The following TMEM207 variants were observed in gnomAD, a reference collection of about 807,000 sequenced individuals.
TMEM207 encodes the protein SRSR846.
A neutral mutation model predicts 17.4 loss-of-function variants in TMEM207; 15 were observed. That is an observed-to-expected ratio of 0.86 (90% CI 0.58 to 1.33). The LOEUF (loss-of-function observed/expected upper bound fraction) is 1.33. TMEM207 is among the 40% of genes most tolerant of loss of function. TMEM207 has a pLI of 0.00. For synonymous variants in TMEM207, 70 were observed against 65.6 expected (o/e 1.07, Z -0.33); for missense variants, 205 against 173.8 (o/e 1.18, Z -1.01).
intron 2 of TMEM207, among the ~76,000 whole-genome samples, chr3:190,444,087 TTGATAAA>T (rs1332226582): frequency 4.6e-5 from 7 of 152,202 alleles, no homozygotes; most frequent in Non-Finnish European, 1.0e-4. Context: ...ATTTATGAAT[TTGATAAA>T]TTCAGGAAGA....
intron 4 of TMEM207, among the ~76,000 whole-genome samples, chr3:190,431,425 C>T (rs911974828): frequency 1.3e-5 from 2 of 151,910 alleles, no homozygotes; most frequent in African/African-American, 4.8e-5. Flanking sequence ...TTCAATCCAT[C>T]CTCTTTTCAT....
chr3:190,437,813 G>C (rs939736118), intron 4 of TMEM207, among the ~76,000 whole-genome samples: 1 of 151,442 alleles, frequency 6.6e-6, no homozygotes, highest in African/African-American at 2.4e-5. Flanking sequence ...GTTTATTGCG[G>C]CACTATTCAC....
chr3:190,447,164 A>G (rs1327740829), intron 2 of TMEM207, among the ~76,000 whole-genome samples: 1 of 152,096 alleles, frequency 6.6e-6, no homozygotes, highest in Non-Finnish European at 1.5e-5. Context: ...GGCTGCAAGC[A>G]GGAGAAGATA....
chr3:190,446,730 T>C (rs1720059070), intron 2 of TMEM207, among the ~76,000 whole-genome samples: 2 of 152,212 alleles, frequency 1.3e-5, no homozygotes, highest in South Asian at 2.1e-4. Context: ...TAATACCGTA[T>C]GTTTCTGTCA....
At chr3:190,430,393 T>C (rs1029655231) in intron 4 of TMEM207, among the ~76,000 whole-genome samples, 3 of 152,106 alleles carry the variant, frequency 2.0e-5, no homozygotes, top group Admixed American at 2.0e-4. Context: ...CTTACTCTAA[T>C]GGCTCTTTTG....
chr3:190,444,473 G>A, intron 2 of TMEM207: 2 of 983,226 alleles, frequency 2.0e-6, no homozygotes, highest in Non-Finnish European at 2.4e-6. Flanking sequence ...AGTATCCCGT[G>A]TTCCAAATGC....
chr3:190,440,173 G>C, intron 4 of TMEM207, 71 bp downstream of exon 4: 1 of 1,525,680 alleles, frequency 6.6e-7, no homozygotes, highest in Non-Finnish European at 8.8e-7. Flanking sequence ...GCTTTTGGGA[G>C]AACAGTTTTT....
At chr3:190,430,662 C>G (rs773846140) in intron 4 of TMEM207, among the ~76,000 whole-genome samples, 1 of 151,868 alleles carries the variant, frequency 6.6e-6, no homozygotes, top group Non-Finnish European at 1.5e-5. Flanking sequence ...AAACTAGTCC[C>G]GTGAACTAAA....
chr3:190,431,742 C>G lies in TMEM207; in HGVS notation c.305-2011G>C, dbSNP rs116733776. Among the ~76,000 whole-genome samples the G allele has an allele frequency of 1.6e-3, 237 of 152,248 alleles. 1 individual carries two copies. The highest frequency in any genetic ancestry group is 5.6e-3 in the African/African-American group (232 of 41,564). The stretch of plus-strand genomic sequence containing the variant: ...GGTCAACCAAACTGACTTGACACAT[C>G]TATTATTTGTACTAGCTCCAATTTA... On this transcript the variant is annotated intron_variant, in intron 4 of 4. Transcript: ENST00000354905.
chr3:190,440,282 A>T lies in TMEM207; in HGVS notation c.266T>A (p.Met89Lys), dbSNP rs755769617. 1 of 1,614,160 alleles carries T rather than the reference A, an allele frequency of 6.2e-7. No homozygotes were observed. Among genetic ancestry groups the T allele is most frequent in the South Asian group, 1.1e-5 (1 of 91,076 alleles). The change falls in exon 4 of 5, where the codon ATG becomes AAG. Residue 89 changes from methionine to lysine, a missense_variant. Physicochemically the swap from Met to Lys is moderately conservative, Grantham distance 95. Transcript: ENST00000354905. ...RPRIDSHRRTMAVFAVGDLDS... is the reference protein window; with the variant it reads ...RPRIDSHRRTKAVFAVGDLDS... ...CAAGTCTCCAACAGCAAAAACTGCC[A>T]TGGTGCGCCTGTGAGAATCAATTCG...
At chr3:190,437,372 A>G (rs1004142455) in intron 4 of TMEM207, among the ~76,000 whole-genome samples, 1 of 152,230 alleles carries the variant, frequency 6.6e-6, no homozygotes, top group African/African-American at 2.4e-5. Context: ...GTAAACATCT[A>G]TGCATGTATG....
chr3:190,443,707 AC>A (rs1190753564), intron 2 of TMEM207, among the ~76,000 whole-genome samples: 1 of 152,180 alleles, frequency 6.6e-6, no homozygotes, highest in East Asian at 1.9e-4. Flanking sequence ...GTAAACAGAA[AC>A]TTTTTGAGTT....
At chr3:190,438,732 A>C (rs1399287885) in intron 4 of TMEM207, among the ~76,000 whole-genome samples, 1 of 152,194 alleles carries the variant, frequency 6.6e-6, no homozygotes, top group Non-Finnish European at 1.5e-5. Context: ...AAATACCTGG[A>C]GGTAAATAAA....
At chr3:190,430,792 T>C (rs113839880) in intron 4 of TMEM207, among the ~76,000 whole-genome samples, 1 of 152,118 alleles carries the variant, frequency 6.6e-6, no homozygotes, top group African/African-American at 2.4e-5. Context: ...ACCTAGACCA[T>C]ATATTTTGCA....
chr3:190,443,448 G>C (rs1305895909), intron 2 of TMEM207, among the ~76,000 whole-genome samples: 1 of 151,750 alleles, frequency 6.6e-6, no homozygotes, highest in East Asian at 1.9e-4. Flanking sequence ...TTTCTGATAA[G>C]AAATAACATG....
chr3:190,430,710 C>T (rs1406966722), intron 4 of TMEM207, among the ~76,000 whole-genome samples: 4 of 151,984 alleles, frequency 2.6e-5, no homozygotes, highest in Middle Eastern at 3.2e-3. Flanking sequence ...TTATGAAACA[C>T]AATCTTATTT....
intron 4 of TMEM207, among the ~76,000 whole-genome samples, chr3:190,434,046 G>A (rs1485124922): frequency 1.3e-5 from 2 of 152,062 alleles, no homozygotes; most frequent in East Asian, 3.9e-4. Flanking sequence ...CATGCTTCCT[G>A]TACAGCCTGC....
chr3:190,445,349 T>C (rs1720022066), intron 2 of TMEM207, among the ~76,000 whole-genome samples: 1 of 152,252 alleles, frequency 6.6e-6, no homozygotes, highest in Non-Finnish European at 1.5e-5. Context: ...AGAGGGGCTC[T>C]GTCATGCTTT....
chr3:190,430,476 A>C (rs1480403963), intron 4 of TMEM207, among the ~76,000 whole-genome samples: 1 of 151,278 alleles, frequency 6.6e-6, no homozygotes, highest in Non-Finnish European at 1.5e-5. Context: ...CTATTTTATA[A>C]CCATCTTTAT....
Sources: allele counts gnomAD v4.1 joint callset (sites outside exome capture counted in the v4.1 genomes callset), GRCh38; gene constraint gnomAD v4.1.1; transcripts MANE v1.5; gene names NCBI Gene and HGNC (gene_info 2026-07-23, HGNC 2026-07-21).